The following RBFOX1 variants were observed in gnomAD, a reference collection of about 807,000 sequenced individuals.
RBFOX1 encodes the protein RNA binding protein fox-1 homolog 1.
In RBFOX1, 8 loss-of-function variants were observed where a neutral mutation model predicts 57.7. The observed-to-expected ratio is 0.14, with a 90% CI of 0.08 to 0.25. The LOEUF is 0.25. Ranked by LOEUF, RBFOX1 falls within the 10% of genes least tolerant of loss-of-function variation. RBFOX1 has a pLI of 1.00. For missense variants in RBFOX1, 611 were observed against 548.5 expected (o/e 1.11, Z -1.14); for synonymous variants, 326 against 222.4 (o/e 1.47, Z -4.15).
rs188482969 is a variant in RBFOX1 at position 6,147,838 on chromosome 16, A to G, written c.-127+127846A>G. Among the ~76,000 whole-genome samples, 79 of 152,308 alleles carry G rather than the reference A, an allele frequency of 5.2e-4. 1 individual carries two copies. The highest frequency in any genetic ancestry group is 1.8e-3 in the African/African-American group (73 of 41,570). On this transcript the variant is annotated intron_variant, in intron 1 of 15. Coordinates refer to ENST00000550418, the MANE Select transcript of RBFOX1 (RefSeq NM_018723.4). ...GATTCCTTCTTTCTCCTTTCAGTCT[A>G]TCAACAAATTGTATGTTTCTACCTT...
chr16:6,153,614 C>G (rs1220925685), intron 1 of RBFOX1, among the ~76,000 whole-genome samples: 1 of 152,120 alleles, frequency 6.6e-6, no homozygotes, highest in Non-Finnish European at 1.5e-5. Flanking sequence ...CGGCTCACTG[C>G]AACCTCTGCC....
chr16:5,379,386 T>G (rs1162117178), intron 1 of RBFOX1, among the ~76,000 whole-genome samples: 2 of 151,466 alleles, frequency 1.3e-5, no homozygotes, highest in Non-Finnish European at 2.9e-5. Context: ...GTTGTTTATC[T>G]TGTGAGTTAC....
chr16:6,659,007 G>C (rs969552862), intron 3 of RBFOX1, among the ~76,000 whole-genome samples: 1 of 151,416 alleles, frequency 6.6e-6, no homozygotes, highest in African/African-American at 2.4e-5. Context: ...CAAAGGTGAC[G>C]GGAGGTAACC....
chr16:7,686,013 T>G (rs1269286116), intron 14 of RBFOX1, among the ~76,000 whole-genome samples: 1 of 152,078 alleles, frequency 6.6e-6, no homozygotes, highest in Non-Finnish European at 1.5e-5. Context: ...GACCCTCAAC[T>G]GCCTCATCTA....
chr16:5,906,621 G>C (rs1449540966), intron 4 of RBFOX1, among the ~76,000 whole-genome samples: 3 of 151,966 alleles, frequency 2.0e-5, no homozygotes, highest in Admixed American at 2.0e-4. Flanking sequence ...GAGTGCTCCT[G>C]GACTGGGAGT....
chr16:6,698,413 A>C (rs1041478938), intron 3 of RBFOX1, among the ~76,000 whole-genome samples: 1 of 152,212 alleles, frequency 6.6e-6, no homozygotes, highest in African/African-American at 2.4e-5. Flanking sequence ...GAGATTCTTA[A>C]GTAAGACCAT....
chr16:7,041,918 CTCTA>C (rs1483059582), intron 3 of RBFOX1, among the ~76,000 whole-genome samples: 1 of 149,170 alleles, frequency 6.7e-6, no homozygotes, highest in Admixed American at 6.7e-5. Flanking sequence ...ACCATATTAT[CTCTA>C]TGGTACAAAT....
intron 4 of RBFOX1, among the ~76,000 whole-genome samples, chr16:5,976,804 G>A (rs1415663977): frequency 6.6e-6 from 1 of 152,206 alleles, no homozygotes; most frequent in Non-Finnish European, 1.5e-5. Flanking sequence ...GGGAGGTGGA[G>A]GTTGCAGTGA....
chr16:6,467,367 A>C (rs575765685), intron 2 of RBFOX1, among the ~76,000 whole-genome samples: 1 of 152,164 alleles, frequency 6.6e-6, no homozygotes, highest in South Asian at 2.1e-4. Flanking sequence ...GTTTACATTA[A>C]AATAGTGCTT....
In RBFOX1 at chr16:7,116,018, G is replaced by A. The variant is rs116250314; in HGVS notation, c.27+63920G>A. On this transcript the variant is annotated intron_variant, in intron 4 of 15. Coordinates refer to ENST00000550418, the MANE Select transcript of RBFOX1 (RefSeq NM_018723.4). ...TGGAGTAACCATTGTGCCAGGCACT[G>A]TACTAAGTGGCCATGTGCCCTTTCT... is the stretch of plus-strand genomic sequence containing the variant. Among the ~76,000 whole-genome samples, 555 of 152,294 alleles carry A rather than the reference G, an allele frequency of 3.6e-3. 2 individuals are homozygous for A. Among genetic ancestry groups the A allele is most frequent in the African/African-American group, 0.012 (519 of 41,566 alleles).
intron 3 of RBFOX1, among the ~76,000 whole-genome samples, chr16:6,917,109 C>T (rs1054031402): frequency 1.3e-5 from 2 of 152,178 alleles, no homozygotes; most frequent in East Asian, 1.9e-4. Context: ...CCTTGGCCTC[C>T]CAGAGTGCTG....
intron 4 of RBFOX1, among the ~76,000 whole-genome samples, chr16:7,255,165 T>A (rs2094627959): frequency 6.6e-6 from 1 of 152,134 alleles, no homozygotes; most frequent in Admixed American, 6.6e-5. Context: ...AGAAAGATAG[T>A]TTCTATTTTA....
At chr16:5,785,033 G>A (rs2054453190) in intron 3 of RBFOX1, among the ~76,000 whole-genome samples, 1 of 152,194 alleles carries the variant, frequency 6.6e-6, no homozygotes, top group Non-Finnish European at 1.5e-5. Context: ...GAGCTCTTTT[G>A]TGTCAACATT....
chr16:6,912,259 G>A (rs2071825795), intron 3 of RBFOX1, among the ~76,000 whole-genome samples: 1 of 152,176 alleles, frequency 6.6e-6, no homozygotes. Context: ...GCACCTGCTG[G>A]CATTGTTAAA....
rs778202058 is a variant in RBFOX1, at chr16:6,892,996, CAATT to C, written c.-15-159059_-15-159056del. ...GTTTTACTTTTAATTGCAAAAACTA[CAATT>C]ACTTTTCATTGCAAACACTGCAGTT... On this transcript the variant is annotated intron_variant, in intron 3 of 15. Transcript: ENST00000550418. Among the ~76,000 whole-genome samples, 10 of 152,254 alleles carry C rather than the reference CAATT, an allele frequency of 6.6e-5. 2 individuals are homozygous for C. The highest frequency in any genetic ancestry group is 1.9e-4 in the East Asian group (1 of 5,176).
At chr16:6,955,879 T>C (rs2081716745) in intron 3 of RBFOX1, among the ~76,000 whole-genome samples, 1 of 151,916 alleles carries the variant, frequency 6.6e-6, no homozygotes, top group Admixed American at 6.6e-5. Context: ...CTAAATTTTG[T>C]AATTTTAGTA....
intron 2 of RBFOX1, among the ~76,000 whole-genome samples, chr16:5,493,012 A>G (rs1463937934): frequency 3.3e-5 from 5 of 152,298 alleles, no homozygotes; most frequent in Non-Finnish European, 7.4e-5. Flanking sequence ...ATCTTCCTAA[A>G]TGAAGCTTTA....
At chr16:6,370,793 C>T (rs940080221) in intron 2 of RBFOX1, among the ~76,000 whole-genome samples, 2 of 152,120 alleles carry the variant, frequency 1.3e-5, no homozygotes, top group African/African-American at 4.8e-5. Flanking sequence ...GTTCTTAATG[C>T]CACTTAATTG....
intron 4 of RBFOX1, among the ~76,000 whole-genome samples, chr16:7,230,044 GAGGAAGGAAAGGAGAGA>G (rs2093406959): frequency 1.5e-5 from 1 of 65,608 alleles, no homozygotes; most frequent in Non-Finnish European, 3.6e-5. Context: ...AAGGGAGAGA[GAGGAAGGAAAGGAGAGA>G]GAGGAAGGAA....
Sources: allele counts gnomAD v4.1 joint callset (sites outside exome capture counted in the v4.1 genomes callset), GRCh38; gene constraint gnomAD v4.1.1; transcripts MANE v1.5; gene names NCBI Gene and HGNC (gene_info 2026-07-23, HGNC 2026-07-21).